Variants in EVC2 observed in about 807,000 individuals in gnomAD.
The protein encoded by EVC2 is limbin.
In EVC2, 148 loss-of-function variants were observed where a neutral mutation model predicts 149.3. The observed-to-expected ratio is 0.99, with a 90% CI of 0.87 to 1.14. The LOEUF (loss-of-function observed/expected upper bound fraction) is 1.14, where lower values mean the gene tolerates loss of function less well. Ranked by LOEUF, EVC2 falls within the 50% of genes most tolerant of loss-of-function variation. EVC2 has a pLI of 0.00. For missense variants in EVC2, 1,854 were observed against 1,627.3 expected (o/e 1.14, Z -2.40); for synonymous variants, 776 against 649.9 (o/e 1.19, Z -2.95).
At chr4:5,705,696 T>C (rs957211068) in intron 1 of EVC2, among the ~76,000 whole-genome samples, 3 of 152,180 alleles carry the variant, frequency 2.0e-5, no homozygotes, top group African/African-American at 7.2e-5. Flanking sequence ...TTAAATCTGC[T>C]GCAACATCAC....
At chr4:5,554,302 G>A (rs1292561848) in intron 21 of EVC2, among the ~76,000 whole-genome samples, 1 of 152,136 alleles carries the variant, frequency 6.6e-6, no homozygotes, top group Non-Finnish European at 1.5e-5. Context: ...AGAAGCTGCT[G>A]GAACCATAAC....
Position 5,625,618 on chromosome 4 carries a change from A to T in EVC2, c.2046+131T>A. Reference sequence around the variant, plus strand: ...TCGCTACCAATCAACAGTAGATGGCACATCATGGTGCCTGCCCAGCTGCCC... The same window carrying T: ...TCGCTACCAATCAACAGTAGATGGCTCATCATGGTGCCTGCCCAGCTGCCC... On this transcript the variant is annotated intron_variant, in intron 13 of 21. Transcript: ENST00000344408. This position sits in a 1 kb window ranked among gnomAD's most constrained non-coding sequence, Gnocchi z 4.0. 2 of 1,193,946 alleles carry T rather than the reference A, an allele frequency of 1.7e-6. No homozygotes were observed. The highest frequency in any genetic ancestry group is 2.4e-6 in the Non-Finnish European group (2 of 833,974). The allele number at this position is 1,193,946 out of a possible 1,614,324, so 74.0% of individuals were successfully genotyped here. A position where few individuals can be genotyped will look rare whatever the true frequency, so the allele number is the denominator to read the frequency against.
At chr4:5,583,860 G>GTTT (rs11284060) in intron 17 of EVC2, among the ~76,000 whole-genome samples, 8 of 145,774 alleles carry the variant, frequency 5.5e-5, no homozygotes, top group Admixed American at 2.7e-4. Flanking sequence ...AAGAAACACA[G>GTTT]TTTTTTTTTT....
chr4:5,689,263 G>A lies in EVC2; in HGVS notation c.600C>T (p.Leu200=). 1 of 1,614,216 alleles carries A rather than the reference G, an allele frequency of 6.2e-7. No individual in the cohort carries two copies. Among genetic ancestry groups the A allele is most frequent in the Non-Finnish European group, 8.5e-7 (1 of 1,180,034 alleles). ...TGCTGTCCAGCAAGAGCAGCTCCGAGAGGTTGGCTGACGAGGTTGTCTTGG... is the reference window on the plus strand; with the variant it reads ...TGCTGTCCAGCAAGAGCAGCTCCGAAAGGTTGGCTGACGAGGTTGTCTTGG... ...NNTKTTSSAN[L]SELLLLDSIA... is the part of the protein sequence containing the mutation. The change falls in exon 5 of 22, where the codon CTC becomes CTT. Residue 200 remains leucine, a synonymous_variant. Coordinates refer to ENST00000344408, the MANE Select transcript of EVC2 (RefSeq NM_147127.5).
At chr4:5,684,192 A>G (rs552753992) in intron 6 of EVC2, among the ~76,000 whole-genome samples, 2 of 152,170 alleles carry the variant, frequency 1.3e-5, no homozygotes, top group South Asian at 4.1e-4. Context: ...GTACCCTTAT[A>G]CTGAATTATT....
chr4:5,632,055 G>GT (rs1716582460), intron 10 of EVC2, 23 bp from the exon 11 acceptor site: 3 of 1,613,020 alleles, frequency 1.9e-6, no homozygotes. Flanking sequence ...AAGGGAGAGC[G>GT]TGAGAAACTG....
chr4:5,672,069 G>C (rs1291338192), intron 7 of EVC2, among the ~76,000 whole-genome samples: 2 of 152,230 alleles, frequency 1.3e-5, no homozygotes, highest in Non-Finnish European at 2.9e-5. Flanking sequence ...GTCCTACAGA[G>C]GAATGAACAG....
intron 2 of EVC2, among the ~76,000 whole-genome samples, chr4:5,697,152 C>T (rs7673970): frequency 0.034 from 5,147 of 152,288 alleles, 275 homozygotes; most frequent in African/African-American, 0.11. Context: ...GAATTGGTTT[C>T]GCTTCTGGAA....
At chr4:5,669,508 C>T (rs940997114) in intron 7 of EVC2, among the ~76,000 whole-genome samples, 2 of 152,146 alleles carry the variant, frequency 1.3e-5, no homozygotes, top group Admixed American at 1.3e-4. Flanking sequence ...GTTTTTAGTC[C>T]TAATCTCCCA....
chr4:5,689,387 T>C, intron 4 of EVC2, 44 bp from the exon 5 acceptor site: 7 of 1,607,056 alleles, frequency 4.4e-6, no homozygotes, highest in Non-Finnish European at 6.0e-6. Context: ...TGCTGACAAG[T>C]CCAGCTTCCT....
chr4:5,586,235 C>G (rs1186281064), intron 16 of EVC2, among the ~76,000 whole-genome samples: 2 of 152,182 alleles, frequency 1.3e-5, no homozygotes, highest in Non-Finnish European at 1.5e-5. Context: ...TTGAGGATCT[C>G]TTATGCTTCC....
intron 15 of EVC2, among the ~76,000 whole-genome samples, chr4:5,617,103 A>T (rs1715315575): frequency 8.4e-6 from 1 of 119,400 alleles, no homozygotes; most frequent in Non-Finnish European, 1.6e-5. Flanking sequence ...ACAGTACTTA[A>T]AAAAAAAATT....
chr4:5,584,869 G>A lies in EVC2; in HGVS notation c.2830-19C>T, dbSNP rs1432934400. The A allele has an allele frequency of 6.2e-7, 1 of 1,613,552 alleles. No individual in the cohort carries two copies. Among genetic ancestry groups the A allele is most frequent in the Admixed American group, 1.7e-5 (1 of 60,000 alleles). On this transcript the variant is annotated intron_variant, in intron 16 of 21. Transcript: ENST00000344408. ...CTCGAACCTGGGAGGGGACAGGGAT[G>A]GACCCAAACCCAGAGAGCAGTGAGT... is the stretch of plus-strand genomic sequence containing the variant.
intron 15 of EVC2, among the ~76,000 whole-genome samples, chr4:5,616,227 A>C (rs1715238722): frequency 6.6e-6 from 1 of 152,178 alleles, no homozygotes; most frequent in African/African-American, 2.4e-5. Flanking sequence ...TTCCCAGCAC[A>C]GGTCTGGTCA....
At chr4:5,647,832 C>T (rs1394671588) in intron 9 of EVC2, among the ~76,000 whole-genome samples, 3 of 152,140 alleles carry the variant, frequency 2.0e-5, no homozygotes, top group Non-Finnish European at 4.4e-5. Flanking sequence ...AAGAACAAGG[C>T]CTTTTAAAAT....
intron 16 of EVC2, among the ~76,000 whole-genome samples, chr4:5,593,893 A>T (rs575345496): frequency 4.8e-4 from 73 of 152,360 alleles, no homozygotes; most frequent in African/African-American, 1.7e-3. Context: ...CGAAGGGCTT[A>T]AAAAACGACG....
At chr4:5,557,184 T>C (rs1247954152) in intron 21 of EVC2, among the ~76,000 whole-genome samples, 1 of 152,118 alleles carries the variant, frequency 6.6e-6, no homozygotes, top group Non-Finnish European at 1.5e-5. Context: ...AAAATATATT[T>C]ACAAATTAAA....
intron 16 of EVC2, among the ~76,000 whole-genome samples, chr4:5,612,922 CAAAAAAAAAAAAAA>C (rs34505528): frequency 2.2e-4 from 6 of 26,800 alleles, no homozygotes; most frequent in African/African-American, 6.5e-4. Context: ...ACTCTGTCTC[CAAAAAAAAAAAAAA>C]AAAAAAAAAA....
At chr4:5,698,203 C>A (rs529076307) in intron 1 of EVC2, among the ~76,000 whole-genome samples, 3 of 152,264 alleles carry the variant, frequency 2.0e-5, no homozygotes, top group East Asian at 3.9e-4. Context: ...GGAGGCCGCA[C>A]CATGTGATTG....
Sources: gnomAD v4.1 joint callset for allele counts (sites outside exome capture counted in the v4.1 genomes callset) on GRCh38, gnomAD v4.1.1 for gene constraint, Gnocchi (gnomAD v3.1) non-coding constraint, MANE v1.5 for transcripts, NCBI Gene and HGNC (gene_info 2026-07-23, HGNC 2026-07-21) for gene names.